ANLN: variants seen among roughly 807,000 people sequenced by gnomAD.
ANLN encodes the protein anillin, actin binding protein.
Under a neutral mutation model 135.1 loss-of-function variants are expected in ANLN, and 59 were observed. That is an observed-to-expected ratio of 0.44 (90% CI 0.35 to 0.54). The LOEUF is 0.54. ANLN is among the 20% of genes least tolerant of loss of function. The pLI, the probability that ANLN is intolerant of heterozygous loss-of-function variation, is 0.00. For synonymous variants in ANLN, 406 were observed against 456.4 expected (o/e 0.89, Z 1.41); for missense variants, 1,182 against 1,340.0 (o/e 0.88, Z 1.84).
intron 20 of ANLN, among the ~76,000 whole-genome samples, chr7:36,436,860 A>G (rs1042013102): frequency 5.3e-5 from 8 of 152,156 alleles, no homozygotes; most frequent in Admixed American, 5.2e-4. Context: ...GAGTTGTAAG[A>G]GTTTTCTTTG....
At chr7:36,418,065 G>A (rs1428066465) in intron 9 of ANLN, among the ~76,000 whole-genome samples, 2 of 152,102 alleles carry the variant, frequency 1.3e-5, no homozygotes, top group Non-Finnish European at 2.9e-5. Flanking sequence ...CAGAACTCTG[G>A]GAAATACTTA....
chr7:36,401,464 G>A (rs374124067), intron 3 of ANLN, among the ~76,000 whole-genome samples: 10 of 152,244 alleles, frequency 6.6e-5, no homozygotes, highest in East Asian at 1.9e-4. Context: ...TCAGCCTCCC[G>A]AGTGGCTGGG....
intron 3 of ANLN, among the ~76,000 whole-genome samples, chr7:36,404,055 C>T (rs949394771): frequency 1.3e-5 from 2 of 152,288 alleles, no homozygotes; most frequent in South Asian, 4.2e-4. Flanking sequence ...ACTGCAACCT[C>T]CGCCTCCTGG....
intron 20 of ANLN, among the ~76,000 whole-genome samples, chr7:36,428,568 T>C (rs1788183615): frequency 6.6e-6 from 1 of 152,070 alleles, no homozygotes; most frequent in South Asian, 2.1e-4. Context: ...AAGTTTTCTA[T>C]TTTTTCAATG....
At chr7:36,426,078 A>G (rs763305095) in intron 19 of ANLN, 42 bp downstream of exon 19, 1 of 1,390,382 alleles carries the variant, frequency 7.2e-7, no homozygotes, top group Admixed American at 2.6e-5. Flanking sequence ...GAATAAGGTA[A>G]GGAATTAAGC....
intron 22 of ANLN, among the ~76,000 whole-genome samples, chr7:36,446,638 A>C (rs1376151684): frequency 6.6e-6 from 1 of 152,190 alleles, no homozygotes; most frequent in Non-Finnish European, 1.5e-5. Flanking sequence ...GAACTCATTC[A>C]CTATTGTGAG....
intron 12 of ANLN, among the ~76,000 whole-genome samples, chr7:36,421,594 G>C (rs1019789578): frequency 6.6e-6 from 1 of 152,004 alleles, no homozygotes; most frequent in Admixed American, 6.5e-5. Flanking sequence ...AAATTTCTAC[G>C]TTGTTGGATG....
rs537779168 is a variant in ANLN at position 36,428,431 on chromosome 7, T to G, written c.2883+1403T>G. The G allele has an allele frequency of 9.4e-4, 764 of 812,812 alleles. 2 individuals are homozygous for G. The highest frequency in any genetic ancestry group is 1.3e-3 in the Non-Finnish European group (740 of 572,078). The allele number at this position is 812,812 out of a possible 1,614,324, so 50.3% of individuals were successfully genotyped here. A position where few individuals can be genotyped will look rare whatever the true frequency, so the allele number is the denominator to read the frequency against. ...ATCCTTAATTTTTGATCTACATATATTTGTTTTACTAACTATCTTTTTGTT... is the reference window on the plus strand; with the variant it reads ...ATCCTTAATTTTTGATCTACATATAGTTGTTTTACTAACTATCTTTTTGTT... On this transcript the variant is annotated intron_variant, in intron 20 of 23. Coordinates refer to ENST00000265748, the MANE Select transcript of ANLN (RefSeq NM_018685.5).
At chr7:36,421,072 C>CT (rs70977139) in intron 12 of ANLN, among the ~76,000 whole-genome samples, 35 of 145,640 alleles carry the variant, frequency 2.4e-4, no homozygotes, top group Non-Finnish European at 3.0e-4. Context: ...GCTAAGGAAG[C>CT]TTTTTTTTTT....
At chr7:36,398,978 G>A (rs1786819956) in intron 2 of ANLN, 101 bp from the exon 3 acceptor site, 1 of 871,572 alleles carries the variant, frequency 1.1e-6, no homozygotes, top group Non-Finnish European at 1.8e-6. Context: ...TAAAAGAATA[G>A]GGAGGGGTGA....
Position 36,425,760 on chromosome 7 carries a change from A to C in ANLN, c.2748+20A>C. 6.2e-7 allele frequency: 1 copy of C among 1,608,726 alleles called. No homozygotes were observed. Among genetic ancestry groups the C allele is most frequent in the African/African-American group, 1.3e-5 (1 of 74,844 alleles). ...ACCACAGTAAGTAGAATTTTTGAGA[A>C]ATTGAGCTTCCTTGAGAAATCTTCA... On this transcript the variant is annotated intron_variant, in intron 18 of 23. Coordinates refer to ENST00000265748, the MANE Select transcript of ANLN (RefSeq NM_018685.5).
At chr7:36,420,786 A>C (rs914431218) in intron 12 of ANLN, 42 bp downstream of exon 12, 3 of 1,605,944 alleles carry the variant, frequency 1.9e-6, no homozygotes, top group East Asian at 2.2e-5. Flanking sequence ...TGTTTCTTGC[A>C]CTAGGCTGTG....
At chr7:36,398,144 A>G (rs1786785512) in intron 2 of ANLN, among the ~76,000 whole-genome samples, 1 of 151,888 alleles carries the variant, frequency 6.6e-6, no homozygotes, top group South Asian at 2.1e-4. Context: ...TCATAGTTAG[A>G]AATAATATGC....
chr7:36,418,859 T>G (rs1021655882), intron 9 of ANLN, among the ~76,000 whole-genome samples: 1 of 152,082 alleles, frequency 6.6e-6, no homozygotes, highest in African/African-American at 2.4e-5. Context: ...GTTCAAGTGA[T>G]TCTCCTGCCT....
chr7:36,391,798 A>G (rs1444074276), intron 1 of ANLN, among the ~76,000 whole-genome samples: 2 of 152,246 alleles, frequency 1.3e-5, no homozygotes, highest in African/African-American at 2.4e-5. Flanking sequence ...AAATAAGTCT[A>G]TCATATTAAC....
At chr7:36,447,999 A>G (rs1789084302) in intron 22 of ANLN, among the ~76,000 whole-genome samples, 1 of 151,786 alleles carries the variant, frequency 6.6e-6, no homozygotes, top group Non-Finnish European at 1.5e-5. Context: ...ATATATATAC[A>G]TATATGTTTC....
intron 20 of ANLN, among the ~76,000 whole-genome samples, chr7:36,431,561 TTGTGTG>T (rs1186662720): frequency 0.12 from 9,184 of 76,198 alleles, 653 homozygotes; most frequent in South Asian, 0.24. Flanking sequence ...ATGTGTGTGT[TTGTGTG>T]TGTGTGTGTG....
rs1416155185 is a variant in ANLN at position 36,397,943 on chromosome 7, T to TG, written c.173-1132dup. Among the ~76,000 whole-genome samples, 8 of 151,920 alleles carry TG rather than the reference T, an allele frequency of 5.3e-5. No homozygotes were observed. In the East Asian group the frequency reaches 1.4e-3, roughly 26 times the overall value. ...GAAAAAAAGAGACATAAAAGTGGAG[T>TG]GGGGAAAAAATAGATTAGAAAGTTT... On this transcript the variant is annotated intron_variant, in intron 2 of 23. Coordinates refer to ENST00000265748, the MANE Select transcript of ANLN (RefSeq NM_018685.5).
chr7:36,419,134 TA>T, intron 9 of ANLN, 109 bp from the exon 10 acceptor site: 1 of 714,938 alleles, frequency 1.4e-6, no homozygotes, highest in Non-Finnish European at 2.2e-6. Context: ...TGCTTTTTTT[TA>T]AGGCATTTTT....
Sources: gnomAD v4.1 joint callset for allele counts (sites outside exome capture counted in the v4.1 genomes callset) on GRCh38, gnomAD v4.1.1 for gene constraint, MANE v1.5 for transcripts, NCBI Gene and HGNC (gene_info 2026-07-23, HGNC 2026-07-21) for gene names.